Variants in TRIM41 observed in about 807,000 individuals in gnomAD.
TRIM41 encodes the protein tripartite motif containing 41, also known as E3 ubiquitin-protein ligase TRIM41.
A neutral mutation model predicts 60.6 loss-of-function variants in TRIM41; 21 were observed. The ratio of observed to expected loss-of-function variants is 0.35; its 90% CI spans 0.25 to 0.50. The LOEUF is 0.50. Among genes scored for constraint, TRIM41 ranks in the 20% least tolerant of loss-of-function variants. TRIM41 has a pLI of 0.98. For missense variants in TRIM41, 846 were observed against 868.3 expected (o/e 0.97, Z 0.32); for synonymous variants, 407 against 344.9 (o/e 1.18, Z -2.00).
chr5:181,223,952 C>T lies in TRIM41; in HGVS notation c.-48C>T, dbSNP rs951729042. ...AGGGCGTCGGTAGGGAAGACCCCCG[C>T]CCCTCGCCCCCCCACCGAACCTCTA... On this transcript the variant is annotated 5_prime_UTR_variant, in exon 1 of 6. Coordinates refer to ENST00000315073, the MANE Select transcript of TRIM41 (RefSeq NM_033549.5). 6.6e-6 allele frequency: 10 copies of T among 1,525,916 alleles called. No homozygotes were observed. In the Admixed American group the frequency reaches 9.0e-5, roughly 14 times the overall value. The allele number at this position is 1,525,916 out of a possible 1,614,324, so 94.5% of individuals were successfully genotyped here. A position where few individuals can be genotyped will look rare whatever the true frequency, so the allele number is the denominator to read the frequency against.
In TRIM41 at chr5:181,234,825, G is replaced by A; in HGVS notation, c.*50G>A. 6.2e-7 allele frequency: 1 copy of A among 1,605,904 alleles called. No homozygotes were observed. Among genetic ancestry groups the A allele is most frequent in the Non-Finnish European group, 8.5e-7 (1 of 1,175,856 alleles). ...CTCTGTCAGCACTTGGGGGGTGGGT[G>A]GTGGAGGGTGGCCCGTAAGTTTGAG... On this transcript the variant is annotated 3_prime_UTR_variant, in exon 6 of 6. Coordinates refer to ENST00000315073, the MANE Select transcript of TRIM41 (RefSeq NM_033549.5). This position sits in a 1 kb window ranked among gnomAD's most constrained non-coding sequence, Gnocchi z 5.6.
chr5:181,235,435 C>A lies in TRIM41; in HGVS notation c.*660C>A. On this transcript the variant is annotated 3_prime_UTR_variant, in exon 6 of 6. Transcript: ENST00000315073. ...ACCACGCACCATTACATCATCATTA[C>A]ATTAATTACATCAACATAAATTATT... is the stretch of plus-strand genomic sequence containing the variant. 1 of 1,612,416 alleles carries A rather than the reference C, an allele frequency of 6.2e-7. No individual in the cohort carries two copies. The highest frequency in any genetic ancestry group is 8.5e-7 in the Non-Finnish European group (1 of 1,178,704).
chr5:181,231,090 G>A (rs936788817), intron 2 of TRIM41: 12 of 375,702 alleles, frequency 3.2e-5, no homozygotes, highest in South Asian at 2.8e-4. Flanking sequence ...CTGGCCCAAG[G>A]CTGCAGAACA....
rs756909361 is a variant in TRIM41 at position 181,235,464 on chromosome 5, TC to T, written c.*694del. 26 of 1,589,126 alleles carry T rather than the reference TC, an allele frequency of 1.6e-5. No homozygotes were observed. Among genetic ancestry groups the T allele is most frequent in the African/African-American group, 2.7e-5 (2 of 74,398 alleles). Reference sequence around the variant, plus strand: ...AATTACATCAACATAAATTATTTCTTCCCCCTTCCCTTTTCCAGCACTCAAC... The same window carrying T: ...AATTACATCAACATAAATTATTTCTTCCCCTTCCCTTTTCCAGCACTCAAC... On this transcript the variant is annotated 3_prime_UTR_variant, in exon 6 of 6. Transcript: ENST00000315073.
In TRIM41 at chr5:181,234,889, T is replaced by C. The variant is rs71613496; in HGVS notation, c.*114T>C. 0.02 allele frequency: 32,239 copies of C among 1,612,122 alleles called. 408 individuals are homozygous for C. The highest frequency in any genetic ancestry group is 0.049 in the Middle Eastern group (296 of 6,042). Reference sequence around the variant, plus strand: ...TTCCCACTGCTTGTTACTGTGTTGCTTCCCACTCCCCCTTGACCCCAGGCC... The same window carrying C: ...TTCCCACTGCTTGTTACTGTGTTGCCTCCCACTCCCCCTTGACCCCAGGCC... On this transcript the variant is annotated 3_prime_UTR_variant, in exon 6 of 6. Transcript: ENST00000315073. This position sits in a 1 kb window ranked among gnomAD's most constrained non-coding sequence, Gnocchi z 5.6.
Position 181,235,192 on chromosome 5 carries a change from C to G in TRIM41, c.*417C>G. ...GGAGGGTTTGGGCAAGGCAACATCC[C>G]CATTCCAATTCCATTTTCTGATGCA... On this transcript the variant is annotated 3_prime_UTR_variant, in exon 6 of 6. Transcript: ENST00000315073. The G allele has an allele frequency of 1.3e-6, 2 of 1,543,270 alleles. No homozygotes were observed. Among genetic ancestry groups the G allele is most frequent in the South Asian group, 2.4e-5 (2 of 82,138 alleles).
At chr5:181,225,330 A>T (rs1211587139) in intron 1 of TRIM41, 1 of 167,726 alleles carries the variant, frequency 6.0e-6, no homozygotes, top group East Asian at 1.6e-4. Context: ...TGTCATTCTT[A>T]TGCACTGACT....
In TRIM41 at chr5:181,233,270, C is replaced by A. The variant is rs1758888957; in HGVS notation, c.1141-143C>A. 7 of 879,338 alleles carry A rather than the reference C, an allele frequency of 8.0e-6. No homozygotes were observed. Among genetic ancestry groups the A allele is most frequent in the Non-Finnish European group, 1.3e-5 (7 of 522,396 alleles). 54.5% of individuals were successfully genotyped at this position (879,338 alleles called of 1,614,324 possible). On this transcript the variant is annotated intron_variant, in intron 3 of 5. Transcript: ENST00000315073. The surrounding 1 kb of genome is among the most constrained non-coding windows in gnomAD (Gnocchi z 4.1). ...GGGGTGGTTGAAATGGATGTGTGTT[C>A]ATTGAGGGCCGTGAGGGTGCTGCTT... is the stretch of plus-strand genomic sequence containing the variant.
chr5:181,231,178 C>T (rs1758780777), intron 2 of TRIM41: 4 of 312,472 alleles, frequency 1.3e-5, no homozygotes, highest in South Asian at 1.1e-4. Flanking sequence ...CTGCCGGCCC[C>T]AGGATCCATG....
At position 181,223,959 on chromosome 5, in the gene TRIM41, C is replaced by A. The variant is rs752511260; in HGVS notation, c.-41C>A. 6 of 1,559,340 alleles carry A rather than the reference C, an allele frequency of 3.8e-6. No individual in the cohort carries two copies. The highest frequency in any genetic ancestry group is 5.2e-6 in the Non-Finnish European group (6 of 1,147,498). ...CGGTAGGGAAGACCCCCGCCCCTCG[C>A]CCCCCCACCGAACCTCTACACTGGC... On this transcript the variant is annotated 5_prime_UTR_variant, in exon 1 of 6. Coordinates refer to ENST00000315073, the MANE Select transcript of TRIM41 (RefSeq NM_033549.5).
At position 181,223,577 on chromosome 5, in the gene TRIM41, C is replaced by T. The variant is rs1758386399; in HGVS notation, c.-423C>T. ...GCCATTTCCTGTCGCCCTGGGGCCCCGCGGGGAAAAAGGGGGAGTAGCAGG... is the reference window on the plus strand; with the variant it reads ...GCCATTTCCTGTCGCCCTGGGGCCCTGCGGGGAAAAAGGGGGAGTAGCAGG... On this transcript the variant is annotated 5_prime_UTR_variant, in exon 1 of 6. Transcript: ENST00000315073. 4 of 448,134 alleles carry T rather than the reference C, an allele frequency of 8.9e-6. No individual in the cohort carries two copies. In the East Asian group the frequency reaches 1.3e-4, roughly 14 times the overall value. The allele number at this position is 448,134 out of a possible 1,614,324, so 27.8% of individuals were successfully genotyped here. A position where few individuals can be genotyped will look rare whatever the true frequency, so the allele number is the denominator to read the frequency against.
chr5:181,230,523 A>AAT (rs1758749577), intron 1 of TRIM41: 2 of 239,016 alleles, frequency 8.4e-6, no homozygotes, highest in Non-Finnish European at 1.6e-5. Flanking sequence ...AAAAAAAAAA[A>AAT]AAATACACAC....
chr5:181,233,968 G>A lies in TRIM41; in HGVS notation c.1291+205G>A. 1 of 1,157,704 alleles carries A rather than the reference G, an allele frequency of 8.6e-7. No individual in the cohort carries two copies. Among genetic ancestry groups the A allele is most frequent in the Non-Finnish European group, 1.2e-6 (1 of 817,664 alleles). 71.7% of individuals were successfully genotyped at this position (1,157,704 alleles called of 1,614,324 possible). On this transcript the variant is annotated intron_variant, in intron 5 of 5. Coordinates refer to ENST00000315073, the MANE Select transcript of TRIM41 (RefSeq NM_033549.5). This position sits in a 1 kb window ranked among gnomAD's most constrained non-coding sequence, Gnocchi z 4.1. Reference sequence around the variant, plus strand: ...GAGGGTGGGGTGGGGTGGAGTGGCAGGAAGAGCCAGGCTGGGGGAAGACCT... The same window carrying A: ...GAGGGTGGGGTGGGGTGGAGTGGCAAGAAGAGCCAGGCTGGGGGAAGACCT...
intron 1 of TRIM41, chr5:181,229,657 AGTT>A (rs1408674555): frequency 6.6e-6 from 1 of 152,292 alleles, no homozygotes; most frequent in Non-Finnish European, 1.5e-5. Flanking sequence ...GAAGCAAAGA[AGTT>A]GAAATAAGTA....
intron 1 of TRIM41, chr5:181,230,236 A>G (rs13179344): frequency 0.41 from 63,151 of 152,984 alleles, 18,523 homozygotes; most frequent in African/African-American, 0.84. Context: ...GCTCACGCCT[A>G]TAATCTCAGT....
chr5:181,226,216 T>A (rs1582270244), intron 1 of TRIM41: 1 of 152,168 alleles, frequency 6.6e-6, no homozygotes, highest in East Asian at 1.9e-4. Context: ...GTGATTCTCC[T>A]GCTTCAGCCT....
chr5:181,226,240 G>A (rs1407646738), intron 1 of TRIM41: 1 of 152,150 alleles, frequency 6.6e-6, no homozygotes, highest in Non-Finnish European at 1.5e-5. Context: ...GAGTATCTGG[G>A]ATTACAGGCA....
chr5:181,224,181 G>GGGA lies in TRIM41; in HGVS notation c.198_200dup (p.Glu66dup), dbSNP rs539435490. The GGGA allele has an allele frequency of 5.0e-5, 80 of 1,613,722 alleles. No individual in the cohort carries two copies. Among genetic ancestry groups the GGGA allele is most frequent in the African/African-American group, 4.0e-4 (30 of 74,854 alleles). On this transcript the variant is annotated inframe_insertion, in exon 1 of 6. Coordinates refer to ENST00000315073, the MANE Select transcript of TRIM41 (RefSeq NM_033549.5). ...GAGGAGGACAGAGATGAGTTAGATC[G>GGGA]GGAGGAGGAGGAGGAGGACGGAGAG...
At position 181,234,818 on chromosome 5, in the gene TRIM41, G is replaced by C. The variant is rs1162029438; in HGVS notation, c.*43G>C. On this transcript the variant is annotated 3_prime_UTR_variant, in exon 6 of 6. Transcript: ENST00000315073. This position sits in a 1 kb window ranked among gnomAD's most constrained non-coding sequence, Gnocchi z 5.6. ...GGGGCCCCTCTGTCAGCACTTGGGG[G>C]GTGGGTGGTGGAGGGTGGCCCGTAA... The C allele has an allele frequency of 6.2e-7, 1 of 1,606,166 alleles. No homozygotes were observed. Among genetic ancestry groups the C allele is most frequent in the South Asian group, 1.1e-5 (1 of 90,446 alleles).
Sources: allele counts gnomAD v4.1 joint callset, GRCh38; gene constraint gnomAD v4.1.1; non-coding constraint Gnocchi (gnomAD v3.1); transcripts MANE v1.5; gene names NCBI Gene and HGNC (gene_info 2026-07-23, HGNC 2026-07-21).